Variants in ANK2 observed in about 807,000 individuals in gnomAD.
ANK2 encodes the protein ankyrin-2.
Under a neutral mutation model 360.5 loss-of-function variants are expected in ANK2, and 83 were observed. The ratio of observed to expected loss-of-function variants is 0.23; its 90% CI spans 0.19 to 0.28. The LOEUF (loss-of-function observed/expected upper bound fraction) is 0.28, where lower values mean the gene tolerates loss of function less well. ANK2 is among the 10% of genes least tolerant of loss of function. The probability of loss-of-function intolerance (pLI) is 1.00; values close to 1 mark genes in which losing one functional copy is unlikely to be tolerated. For missense variants in ANK2, 4,201 were observed against 4,795.7 expected (o/e 0.88, Z 3.66); for synonymous variants, 1,740 against 1,759.5 (o/e 0.99, Z 0.28).
At chr4:113,115,450 C>T (rs962176200) in intron 1 of ANK2, among the ~76,000 whole-genome samples, 1 of 152,028 alleles carries the variant, frequency 6.6e-6, no homozygotes, top group Non-Finnish European at 1.5e-5. Flanking sequence ...GTTGACTGAC[C>T]ATCATATCAA....
intron 39 of ANK2, among the ~76,000 whole-genome samples, chr4:113,361,214 T>A (rs1438798283): frequency 6.6e-6 from 1 of 152,164 alleles, no homozygotes; most frequent in Non-Finnish European, 1.5e-5. Flanking sequence ...AAATCATTTT[T>A]AGATGTAATT....
chr4:112,795,801 A>ATTTT, the ANK2 span, among the ~76,000 whole-genome samples: 21 of 137,792 alleles, frequency 1.5e-4, no homozygotes, highest in Admixed American at 1.5e-4. Context: ...TGTGCCCAGC[A>ATTTT]TTTTTTTTTT....
At chr4:113,276,635 A>C (rs2060347514) in intron 15 of ANK2, among the ~76,000 whole-genome samples, 1 of 152,248 alleles carries the variant, frequency 6.6e-6, no homozygotes. Context: ...TGCAAGAAGG[A>C]ATAAATACTT....
intron 36 of ANK2, among the ~76,000 whole-genome samples, chr4:113,348,570 T>A (rs1372597391): frequency 2.6e-5 from 4 of 152,098 alleles, no homozygotes; most frequent in Admixed American, 2.6e-4. Context: ...AGCTAAACCA[T>A]TATCTCAGGG....
chr4:112,867,641 C>T (rs1423168501), intron 1 of ANK2, among the ~76,000 whole-genome samples: 2 of 150,796 alleles, frequency 1.3e-5, no homozygotes, highest in African/African-American at 4.9e-5. Context: ...TTATAGAAAT[C>T]GAATCATACA....
At chr4:112,767,900 C>G in the ANK2 span, among the ~76,000 whole-genome samples, 1 of 152,198 alleles carries the variant, frequency 6.6e-6, no homozygotes, top group Non-Finnish European at 1.5e-5. Flanking sequence ...TCCCATCTCT[C>G]TCATCCTCTC....
the ANK2 span, among the ~76,000 whole-genome samples, chr4:112,761,275 A>T: frequency 6.6e-6 from 1 of 152,096 alleles, no homozygotes; most frequent in African/African-American, 2.4e-5. Flanking sequence ...TTCTTTTGTA[A>T]GCCTTTCTAT....
chr4:113,082,770 T>A (rs2082919869), intron 1 of ANK2, among the ~76,000 whole-genome samples: 1 of 152,202 alleles, frequency 6.6e-6, no homozygotes, highest in African/African-American at 2.4e-5. Flanking sequence ...CTTGTGAATA[T>A]TACAAAGAAA....
chr4:112,880,811 G>T (rs1349903568), intron 1 of ANK2: 1 of 152,144 alleles, frequency 6.6e-6, no homozygotes, highest in African/African-American at 2.4e-5. Context: ...AGAGATGAAT[G>T]GAATTAGGAA....
intron 23 of ANK2, among the ~76,000 whole-genome samples, chr4:113,309,222 T>C (rs1274916273): frequency 6.6e-6 from 1 of 152,244 alleles, no homozygotes; most frequent in Non-Finnish European, 1.5e-5. Flanking sequence ...GCTTTCCAGC[T>C]AATGCCAACA....
chr4:112,783,109 T>C, the ANK2 span, among the ~76,000 whole-genome samples: 7 of 152,048 alleles, frequency 4.6e-5, no homozygotes, highest in African/African-American at 1.2e-4. Context: ...GAGGTTTCAC[T>C]ATGTTGGCCA....
Position 113,156,371 on chromosome 4 carries a change from C to CTTTTTTTTTTTTTTTTTTTTTTTTTTTTT in ANK2, c.85-18035_85-18034insTTTTTTTTTTTTTTTTTTTTTTTTTTTTT, listed in dbSNP as rs150536846. On this transcript the variant is annotated intron_variant, in intron 1 of 45. Transcript: ENST00000357077. Reference sequence around the variant, plus strand: ...CGTATAGAGTATATGTAGAAAAATTCTTTTTTTTTTGTTTTTGAGACAGAG... The same window carrying CTTTTTTTTTTTTTTTTTTTTTTTTTTTTT: ...CGTATAGAGTATATGTAGAAAAATTCTTTTTTTTTTTTTTTTTTTTTTTTTTTTTTTTTTTTTTTGTTTTTGAGACAGAG... 1.4e-4 allele frequency among the ~76,000 whole-genome samples: 18 copies of CTTTTTTTTTTTTTTTTTTTTTTTTTTTTT among 128,468 alleles called. 1 individual carries two copies. The highest frequency in any genetic ancestry group is 2.0e-4 in the African/African-American group (7 of 34,206). 84.3% of individuals were successfully genotyped at this position (128,468 alleles called of 152,430 possible).
chr4:113,131,882 C>T (rs2096059983), intron 1 of ANK2, among the ~76,000 whole-genome samples: 1 of 152,182 alleles, frequency 6.6e-6, no homozygotes, highest in African/African-American at 2.4e-5. Flanking sequence ...GATAAAAACA[C>T]ATCCGGGCAA....
In ANK2 at chr4:113,353,769, A is replaced by G. The variant is rs774684759; in HGVS notation, c.5151A>G (p.Glu1717=). The G allele has an allele frequency of 6.2e-7, 1 of 1,613,902 alleles. No individual in the cohort carries two copies. The highest frequency in any genetic ancestry group is 1.1e-5 in the South Asian group (1 of 91,050). Residue 1717 remains glutamate, a synonymous_variant, in exon 38 of 46, where the codon GAA becomes GAG. Coordinates refer to ENST00000357077, the MANE Select transcript of ANK2 (RefSeq NM_001148.6). ...AAGAAAAGCAGAAACAAAAAGAGGAAGGTTTACAAGCTAGTGCAGAGAAAG... is the reference window on the plus strand; with the variant it reads ...AAGAAAAGCAGAAACAAAAAGAGGAGGGTTTACAAGCTAGTGCAGAGAAAG... The part of the protein sequence containing the change: ...KLKEKQKQKE[E]GLQASAEKAE...
At chr4:113,116,345 A>G (rs1275614702) in intron 1 of ANK2, among the ~76,000 whole-genome samples, 2 of 151,528 alleles carry the variant, frequency 1.3e-5, no homozygotes, top group African/African-American at 2.4e-5. Flanking sequence ...CCCTCTTTTG[A>G]GCTCCCCGCT....
chr4:113,350,574 T>C (rs1277069430), intron 37 of ANK2: 9 of 280,214 alleles, frequency 3.2e-5, no homozygotes, highest in African/African-American at 4.4e-5. Flanking sequence ...AGCAAAACAC[T>C]GTCATCTCAT....
chr4:112,826,846 G>A lies in ANK2; in HGVS notation c.-40+8582G>A, dbSNP rs1026726587. 7 of 1,359,120 alleles carry A rather than the reference G, an allele frequency of 5.2e-6. No individual in the cohort carries two copies. The Admixed American group carries it at 1.2e-4, about 24-fold the overall frequency. 84.2% of individuals were successfully genotyped at this position (1,359,120 alleles called of 1,614,324 possible). A position where few individuals can be genotyped will look rare whatever the true frequency, so the allele number is the denominator to read the frequency against. The stretch of plus-strand genomic sequence containing the variant: ...AAAGTAAAAGAGAATGGAACAATAT[G>A]CTTCAGGGATGAAGATGACATCAAT... On this transcript the variant is annotated intron_variant, in intron 1 of 30. Coordinates refer to the ANK2 transcript ENST00000503271.
chr4:113,132,553 C>T (rs141600256), intron 1 of ANK2, among the ~76,000 whole-genome samples: 9 of 152,192 alleles, frequency 5.9e-5, no homozygotes, highest in East Asian at 5.8e-4. Flanking sequence ...AACTGGACCC[C>T]GTGGCATGAT....
chr4:113,214,083 G>T lies in ANK2; in HGVS notation c.384+14974G>T, dbSNP rs62313192. On this transcript the variant is annotated intron_variant, in intron 4 of 45. Coordinates refer to ENST00000357077, the MANE Select transcript of ANK2 (RefSeq NM_001148.6). ...TGGTGGGGGACGTGGGGCAGCACCC[G>T]CAGGTCTAAATCGGGGTGGGGGTGT... 2.2e-4 allele frequency: 149 copies of T among 681,860 alleles called. 9 individuals carry two copies. The highest frequency in any genetic ancestry group is 3.3e-4 in the Non-Finnish European group (131 of 401,468). The allele number at this position is 681,860 out of a possible 1,614,324, so 42.2% of individuals were successfully genotyped here.
Sources: gnomAD v4.1 joint callset for allele counts (sites outside exome capture counted in the v4.1 genomes callset) on GRCh38, gnomAD v4.1.1 for gene constraint, MANE v1.5 for transcripts, NCBI Gene and HGNC (gene_info 2026-07-23, HGNC 2026-07-21) for gene names.